The following PTPN5 variants were observed in gnomAD, a reference collection of about 807,000 sequenced individuals.
PTPN5 encodes protein tyrosine phosphatase non-receptor type 5, also known as tyrosine-protein phosphatase non-receptor type 5.
A neutral mutation model predicts 73.9 loss-of-function variants in PTPN5; 29 were observed. The observed-to-expected ratio is 0.39, with a 90% CI of 0.29 to 0.54. The LOEUF is 0.54. PTPN5 is among the 20% of genes least tolerant of loss of function. PTPN5 has a pLI of 0.65. For synonymous variants in PTPN5, 267 were observed against 304.7 expected, an observed-to-expected ratio of 0.88 and a Z score of 1.29; for missense variants, 652 against 751.4, an observed-to-expected ratio of 0.87 and a Z score of 1.55.
rs1851936941 is a variant in PTPN5, at chr11:18,791,670, C to T, written c.-259G>A. 1 of 152,190 alleles carries T rather than the reference C, an allele frequency of 6.6e-6. No individual in the cohort carries two copies. Among genetic ancestry groups the T allele is most frequent in the South Asian group, 2.1e-4 (1 of 4,830 alleles). 9.4% of individuals were successfully genotyped at this position (152,190 alleles called of 1,614,324 possible). A position where few individuals can be genotyped will look rare whatever the true frequency, so the allele number is the denominator to read the frequency against. Reference sequence around the variant, plus strand: ...GGGGGCCGCGCCGAGCTCTGTGCGTCTGCGTGTGCGGGGGCGTCCGTCCTT... The same window carrying T: ...GGGGGCCGCGCCGAGCTCTGTGCGTTTGCGTGTGCGGGGGCGTCCGTCCTT... On this transcript the variant is annotated 5_prime_UTR_variant, in exon 1 of 15. Coordinates refer to ENST00000358540, the MANE Select transcript of PTPN5 (RefSeq NM_006906.2).
Position 18,743,068 on chromosome 11 carries a change from A to C in PTPN5, c.407T>G (p.Leu136Arg). ...GGGGACTCCCCACGTCCCAGAGTCA[A>C]GCCAGGCCTGGGGAACATCAGATAA... The part of the protein sequence containing the change: ...LLKQLEPTAW[L>R]DSGTWGVPSL... The change falls in exon 6 of 15, where the codon CTT becomes CGT. Residue 136 changes from leucine to arginine, a missense_variant. Around this residue, in one of 3 missense-constraint regions of PTPN5, gnomAD observed 529 missense variants for 573.9 expected, o/e 0.92. Transcript: ENST00000358540. 6.4e-7 allele frequency: 1 copy of C among 1,550,690 alleles called. No homozygotes were observed. The highest frequency in any genetic ancestry group is 2.4e-5 in the East Asian group (1 of 40,920).
chr11:18,765,976 T>C lies in PTPN5; in HGVS notation c.21-93A>G, dbSNP rs1174018232. 3 of 927,170 alleles carry C rather than the reference T, an allele frequency of 3.2e-6. No individual in the cohort carries two copies. The East Asian group carries it at 8.0e-5, about 25-fold the overall frequency. 57.4% of individuals were successfully genotyped at this position (927,170 alleles called of 1,614,324 possible). A position where few individuals can be genotyped will look rare whatever the true frequency, so the allele number is the denominator to read the frequency against. On this transcript the variant is annotated intron_variant, in intron 2 of 14. Transcript: ENST00000358540. ...GATAAGAAGGCTCCCTCTCCTGTAT[T>C]CTGTATCCCTTTGAATAACCCCACC...
At position 18,728,003 on chromosome 11, in the gene PTPN5, CTCTG is replaced by C. The variant is rs1447137035; in HGVS notation, c.*927_*930del. 1.3e-5 allele frequency: 2 copies of C among 152,614 alleles called. No individual in the cohort carries two copies. Among genetic ancestry groups the C allele is most frequent in the Non-Finnish European group, 2.9e-5 (2 of 68,036 alleles). 9.5% of individuals were successfully genotyped at this position (152,614 alleles called of 1,614,324 possible). On this transcript the variant is annotated 3_prime_UTR_variant, in exon 15 of 15. Transcript: ENST00000358540. The surrounding 1 kb of genome is among the most constrained non-coding windows in gnomAD (Gnocchi z 4.1). Reference sequence around the variant, plus strand: ...CGAATTATAAAAAGACACCAAATGTCTCTGTCTGCCGTGGGATAAATATTTAAAG... The same window carrying C: ...CGAATTATAAAAAGACACCAAATGTCTCTGCCGTGGGATAAATATTTAAAG...
chr11:18,773,754 T>C (rs1158534470), intron 1 of PTPN5, among the ~76,000 whole-genome samples: 2 of 152,148 alleles, frequency 1.3e-5, no homozygotes, highest in African/African-American at 2.4e-5. Context: ...GTTCTAAGAA[T>C]AGATTCTTGG....
At chr11:18,744,312 G>T in intron 3 of PTPN5, 113 bp from the exon 4 acceptor site, 5 of 891,324 alleles carry the variant, frequency 5.6e-6, no homozygotes, top group Non-Finnish European at 7.9e-6. Context: ...CAGTCAGCGT[G>T]GCTCCACTTC....
intron 3 of PTPN5, among the ~76,000 whole-genome samples, chr11:18,749,997 C>T (rs904838738): frequency 6.6e-6 from 1 of 152,306 alleles, no homozygotes; most frequent in Non-Finnish European, 1.5e-5. Context: ...GACACTCAGA[C>T]CTGCCTGGAC....
In PTPN5 at chr11:18,761,232, C is replaced by T. The variant is rs147793534; in HGVS notation, c.97+4575G>A. Among the ~76,000 whole-genome samples, 63 of 152,316 alleles carry T rather than the reference C, an allele frequency of 4.1e-4. 1 individual carries two copies. The East Asian group carries it at 7.5e-3, about 18-fold the overall frequency. The stretch of plus-strand genomic sequence containing the variant: ...AACACCTGGTGATGTTGCTCTATTC[C>T]ATGTGCTGGCCCCCACTGGCACCTA... On this transcript the variant is annotated intron_variant, in intron 3 of 14. Coordinates refer to ENST00000358540, the MANE Select transcript of PTPN5 (RefSeq NM_006906.2).
chr11:18,787,175 A>C (rs943737357), intron 1 of PTPN5, among the ~76,000 whole-genome samples: 3 of 152,262 alleles, frequency 2.0e-5, no homozygotes, highest in African/African-American at 7.2e-5. Context: ...TACTTGAGTG[A>C]CAACACAGCA....
chr11:18,784,314 C>T (rs1851573047), intron 1 of PTPN5, among the ~76,000 whole-genome samples: 1 of 152,118 alleles, frequency 6.6e-6, no homozygotes, highest in South Asian at 2.1e-4. Context: ...ATATATTCAG[C>T]TTTGAAAATA....
In PTPN5 at chr11:18,776,049, TG is replaced by T. The variant is rs1376130703; in HGVS notation, c.-113-3979del. Reference sequence around the variant, plus strand: ...CCCAAAAGATAGAAAGGCAGGATTTTGGAGTTCAAAGGTTATCCGGTCTGAT... The same window carrying T: ...CCCAAAAGATAGAAAGGCAGGATTTTGAGTTCAAAGGTTATCCGGTCTGAT... On this transcript the variant is annotated intron_variant, in intron 1 of 14. Transcript: ENST00000358540. Among the ~76,000 whole-genome samples, 22 of 152,188 alleles carry T rather than the reference TG, an allele frequency of 1.4e-4. 1 individual carries two copies. Among genetic ancestry groups the T allele is most frequent in the Admixed American group, 6.5e-5 (1 of 15,290 alleles).
intron 1 of PTPN5, among the ~76,000 whole-genome samples, chr11:18,784,915 G>A (rs1415677315): frequency 2.0e-5 from 3 of 151,834 alleles, no homozygotes; most frequent in East Asian, 1.9e-4. Context: ...GTGCAGCGGC[G>A]CTATCTTGGC....
chr11:18,786,216 T>C lies in PTPN5; in HGVS notation c.-114+5309A>G, dbSNP rs1006891919. Among the ~76,000 whole-genome samples the C allele has an allele frequency of 2.3e-3, 309 of 134,636 alleles. 1 individual carries two copies. The highest frequency in any genetic ancestry group is 7.5e-3 in the African/African-American group (280 of 37,550). The allele number at this position is 134,636 out of a possible 152,430, so 88.3% of individuals were successfully genotyped here. On this transcript the variant is annotated intron_variant, in intron 1 of 14. Transcript: ENST00000358540. ...GGGGGAATCTATTTTTTTTTTTTTT[T>C]CTTTGAGACGGAGTCTCGCTCTTTC...
chr11:18,791,263 C>A (rs1368129992), intron 1 of PTPN5, among the ~76,000 whole-genome samples: 1 of 152,220 alleles, frequency 6.6e-6, no homozygotes, highest in East Asian at 1.9e-4. Context: ...GATTCCTCCC[C>A]GGAACCGCGC....
intron 1 of PTPN5, among the ~76,000 whole-genome samples, chr11:18,782,036 G>A (rs991680693): frequency 1.3e-5 from 2 of 152,214 alleles, no homozygotes; most frequent in Admixed American, 6.5e-5. Flanking sequence ...CAGAGTAGAC[G>A]TAAGAGGGAC....
chr11:18,777,161 A>AAAACAAAC (rs141857802), intron 1 of PTPN5, among the ~76,000 whole-genome samples: 1 of 151,754 alleles, frequency 6.6e-6, no homozygotes, highest in African/African-American at 2.4e-5. Flanking sequence ...ACTCCATCTC[A>AAAACAAAC]AAACAAACAA....
chr11:18,775,291 G>A (rs1407087106), intron 1 of PTPN5, among the ~76,000 whole-genome samples: 2 of 152,200 alleles, frequency 1.3e-5, no homozygotes, highest in Non-Finnish European at 2.9e-5. Flanking sequence ...CATGGCAGTT[G>A]CTTTCTATAT....
rs1361576640 is a variant in PTPN5 at position 18,743,410 on chromosome 11, C to A, written c.311G>T (p.Trp104Leu). The change falls in exon 5 of 15, where the codon TGG becomes TTG. Residue 104 changes from tryptophan to leucine, a missense_variant. Trp to Leu is a moderately conservative substitution (Grantham distance 61). This residue lies in a region of PTPN5 where 529 missense variants were observed against 573.9 expected (regional missense o/e 0.92). Transcript: ENST00000358540. The stretch of plus-strand genomic sequence containing the variant: ...CCAGATGTGGCCATAACCGCTGAAC[C>A]AGAGCACCCCACAGGCAAGCTGGGG... ...SQFLLACGVL[W>L]FSGYGHIWSQ... 1 of 1,614,152 alleles carries A rather than the reference C, an allele frequency of 6.2e-7. No homozygotes were observed. The highest frequency in any genetic ancestry group is 1.1e-5 in the South Asian group (1 of 91,084).
intron 1 of PTPN5, among the ~76,000 whole-genome samples, chr11:18,787,244 T>C (rs1234973294): frequency 3.9e-5 from 6 of 152,202 alleles, no homozygotes; most frequent in African/African-American, 1.4e-4. Context: ...ACCCTTACTA[T>C]GGTATAATAT....
chr11:18,736,759 T>C (rs1165252333), intron 9 of PTPN5, among the ~76,000 whole-genome samples: 1 of 152,134 alleles, frequency 6.6e-6, no homozygotes, highest in East Asian at 1.9e-4. Flanking sequence ...GGGGACTGCA[T>C]CTGCACGGAA....
Sources: gnomAD v4.1 joint callset for allele counts (sites outside exome capture counted in the v4.1 genomes callset) on GRCh38, gnomAD v4.1.1 for gene constraint, gnomAD v4.1.1 regional missense constraint, Gnocchi (gnomAD v3.1) non-coding constraint, MANE v1.5 for transcripts, NCBI Gene and HGNC (gene_info 2026-07-23, HGNC 2026-07-21) for gene names.